The following NXPE4 variants were observed in gnomAD, a reference collection of about 807,000 sequenced individuals.
NXPE4 encodes the protein neurexophilin and PC-esterase domain family member 4.
In NXPE4, 42 loss-of-function variants were observed where a neutral mutation model predicts 33.3. The ratio of observed to expected loss-of-function variants is 1.26; its 90% CI spans 0.98 to 1.63. The LOEUF is 1.63. Ranked by LOEUF, NXPE4 falls within the 40% of genes most tolerant of loss-of-function variation. The pLI is 0.00. For missense variants in NXPE4, 709 were observed against 647.6 expected, an observed-to-expected ratio of 1.09 and a Z score of -1.03; for synonymous variants, 253 against 234.9, an observed-to-expected ratio of 1.08 and a Z score of -0.71.
At chr11:114,596,246 A>G (rs1359730610), upstream of NXPE4, among the ~76,000 whole-genome samples, 2 of 152,212 alleles carry the variant, frequency 1.3e-5, no homozygotes, top group African/African-American at 4.8e-5. Context: ...TGCATCTGAG[A>G]CTAACAGAGT....
At chr11:114,650,322 T>C in the NXPE4 span, among the ~76,000 whole-genome samples, 1 of 152,242 alleles carries the variant, frequency 6.6e-6, no homozygotes, top group African/African-American at 2.4e-5. Context: ...AGTGTGCTAA[T>C]TTGGAATAGC....
chr11:114,600,264 T>A (rs971376930), upstream of NXPE4, among the ~76,000 whole-genome samples: 1 of 152,176 alleles, frequency 6.6e-6, no homozygotes, highest in Non-Finnish European at 1.5e-5. Context: ...TAAGAAGACA[T>A]ATCTTGGTTG....
chr11:114,646,433 C>A, the NXPE4 span, among the ~76,000 whole-genome samples: 1 of 151,716 alleles, frequency 6.6e-6, no homozygotes, highest in Non-Finnish European at 1.5e-5. Flanking sequence ...ATAAATTTTT[C>A]TGTTATGAAA....
chr11:114,650,035 T>C, the NXPE4 span, among the ~76,000 whole-genome samples: 2 of 152,148 alleles, frequency 1.3e-5, no homozygotes, highest in Non-Finnish European at 2.9e-5. Context: ...ACATAAACTG[T>C]AATAAACTTC....
At chr11:114,636,242 T>G in the NXPE4 span, among the ~76,000 whole-genome samples, 1 of 152,198 alleles carries the variant, frequency 6.6e-6, no homozygotes, top group East Asian at 1.9e-4. Flanking sequence ...TTCTCTAGTT[T>G]ATTTGCGTAG....
the NXPE4 span, among the ~76,000 whole-genome samples, chr11:114,632,278 C>T: frequency 7.4e-6 from 1 of 135,656 alleles, no homozygotes; most frequent in Non-Finnish European, 1.5e-5. Flanking sequence ...TGTATATATA[C>T]TATATATGTA....
the NXPE4 span, among the ~76,000 whole-genome samples, chr11:114,671,224 C>A: frequency 6.6e-6 from 1 of 151,084 alleles, no homozygotes; most frequent in Admixed American, 6.6e-5. Context: ...GAAGGTAGAT[C>A]AGTAGAGATT....
chr11:114,572,632 C>A (rs934944094), intron 5 of NXPE4, among the ~76,000 whole-genome samples: 5 of 152,068 alleles, frequency 3.3e-5, no homozygotes, highest in Admixed American at 2.0e-4. Context: ...AGCTAGAAGA[C>A]AAGGCTTTAG....
the NXPE4 span, among the ~76,000 whole-genome samples, chr11:114,602,510 A>G: frequency 7.3e-6 from 1 of 137,846 alleles, no homozygotes; most frequent in African/African-American, 2.6e-5. Flanking sequence ...TATGTAAATT[A>G]TAGATTATAC....
upstream of NXPE4, among the ~76,000 whole-genome samples, chr11:114,597,495 T>G (rs1386208538): frequency 6.6e-6 from 1 of 152,200 alleles, no homozygotes; most frequent in East Asian, 1.9e-4. Flanking sequence ...ATGCACTCAG[T>G]TTTTTGATGG....
At chr11:114,577,651 G>A (rs1371080280) in intron 5 of NXPE4, among the ~76,000 whole-genome samples, 2 of 152,166 alleles carry the variant, frequency 1.3e-5, no homozygotes, top group Admixed American at 1.3e-4. Flanking sequence ...GGATGGAAAG[G>A]TAGTGAGGTA....
At chr11:114,611,776 T>C in the NXPE4 span, among the ~76,000 whole-genome samples, 2 of 151,924 alleles carry the variant, frequency 1.3e-5, no homozygotes, top group Admixed American at 6.6e-5. Flanking sequence ...TAACCACTGT[T>C]ACCCGGTGGA....
At chr11:114,642,232 C>T in the NXPE4 span, among the ~76,000 whole-genome samples, 103 of 151,986 alleles carry the variant, frequency 6.8e-4, no homozygotes, top group Admixed American at 2.2e-3. Flanking sequence ...TCAAAAAACC[C>T]GGTCTAACAA....
At chr11:114,650,095 A>T in the NXPE4 span, among the ~76,000 whole-genome samples, 2 of 152,220 alleles carry the variant, frequency 1.3e-5, no homozygotes, top group African/African-American at 4.8e-5. Context: ...CAGGTAATAT[A>T]CAAAAGTGTA....
intron 2 of NXPE4, among the ~76,000 whole-genome samples, chr11:114,592,936 T>C (rs1240296855): frequency 6.6e-6 from 1 of 152,122 alleles, no homozygotes; most frequent in Non-Finnish European, 1.5e-5. Context: ...AACAAAAGTA[T>C]TTAAAATAGA....
chr11:114,649,388 G>A, the NXPE4 span, among the ~76,000 whole-genome samples: 1 of 152,142 alleles, frequency 6.6e-6, no homozygotes, highest in African/African-American at 2.4e-5. Flanking sequence ...ACACAATGAA[G>A]TAATATTCAG....
At chr11:114,576,116 A>G (rs1198805018) in intron 5 of NXPE4, among the ~76,000 whole-genome samples, 1 of 152,180 alleles carries the variant, frequency 6.6e-6, no homozygotes, top group African/African-American at 2.4e-5. Context: ...CACCCTGTTC[A>G]ACAAATGGTG....
the NXPE4 span, among the ~76,000 whole-genome samples, chr11:114,664,318 G>T: frequency 6.6e-6 from 1 of 152,124 alleles, no homozygotes; most frequent in African/African-American, 2.4e-5. Flanking sequence ...CAAATTAAGG[G>T]CTTGTAAAGG....
At chr11:114,616,009 A>G in the NXPE4 span, among the ~76,000 whole-genome samples, 814 of 151,762 alleles carry the variant, frequency 5.4e-3, 45 homozygotes, top group African/African-American at 0.018. Context: ...CCAGTGGATA[A>G]TAAGTATTGC....
Sources: allele counts gnomAD v4.1 joint callset (sites outside exome capture counted in the v4.1 genomes callset), GRCh38; gene constraint gnomAD v4.1.1; transcripts MANE v1.5; gene names NCBI Gene and HGNC (gene_info 2026-07-23, HGNC 2026-07-21).